The following SHC3 variants were observed in gnomAD, a reference collection of about 807,000 sequenced individuals.
SHC3 encodes SHC-transforming protein 3.
SHC3 carries 15 observed loss-of-function variants against 60.4 expected under a neutral mutation model. The observed-to-expected ratio is 0.25, with a 90% CI of 0.17 to 0.38. The LOEUF (loss-of-function observed/expected upper bound fraction) is 0.38. Among genes scored for constraint, SHC3 ranks in the 10% least tolerant of loss-of-function variants. SHC3 has a pLI of 1.00. For missense variants in SHC3, 677 were observed against 786.1 expected (o/e 0.86, Z 1.66); for synonymous variants, 294 against 325.9 (o/e 0.90, Z 1.05).
chr9:89,144,270 A>C (rs532308836), intron 1 of SHC3, among the ~76,000 whole-genome samples: 1 of 152,318 alleles, frequency 6.6e-6, no homozygotes, highest in East Asian at 1.9e-4. Flanking sequence ...ACAGTGTTAA[A>C]TTTTTCCAAC....
At chr9:89,141,358 G>C (rs1251436631) in intron 1 of SHC3, among the ~76,000 whole-genome samples, 1 of 152,180 alleles carries the variant, frequency 6.6e-6, no homozygotes, top group African/African-American at 2.4e-5. Flanking sequence ...AATACAGAAA[G>C]ACACACAAAT....
intron 6 of SHC3, among the ~76,000 whole-genome samples, chr9:89,054,638 A>G (rs1422001869): frequency 6.6e-6 from 1 of 152,250 alleles, no homozygotes; most frequent in East Asian, 1.9e-4. Flanking sequence ...AGGAAACAAC[A>G]AAACCAAAGA....
At position 89,125,016 on chromosome 9, in the gene SHC3, C is replaced by T. The variant is rs141136547; in HGVS notation, c.475-12390G>A. Among the ~76,000 whole-genome samples the T allele has an allele frequency of 2.0e-3, 301 of 152,190 alleles. 2 individuals are homozygous for T. The highest frequency in any genetic ancestry group is 3.7e-3 in the Non-Finnish European group (250 of 68,000). ...ATTTACTAGTCATGCCCGAGAAAGT[C>T]ATCATGTGGGGCAGCAAAAGAAATA... On this transcript the variant is annotated intron_variant, in intron 1 of 11. Coordinates refer to ENST00000375835, the MANE Select transcript of SHC3 (RefSeq NM_016848.6).
chr9:89,059,506 CGTGGTGGAGGAT>C (rs1564108867), intron 6 of SHC3, among the ~76,000 whole-genome samples: 1 of 117,326 alleles, frequency 8.5e-6, no homozygotes, highest in East Asian at 2.9e-4. Flanking sequence ...AGTGTTAGGA[CGTGGTGGAGGAT>C]GTGGTGGAGG....
intron 1 of SHC3, among the ~76,000 whole-genome samples, chr9:89,146,445 A>G (rs2118203904): frequency 6.6e-6 from 1 of 152,324 alleles, no homozygotes; most frequent in South Asian, 2.1e-4. Context: ...TCAAGCAAGA[A>G]TTAACATAAA....
chr9:89,144,252 T>C (rs1268307840), intron 1 of SHC3, among the ~76,000 whole-genome samples: 1 of 152,240 alleles, frequency 6.6e-6, no homozygotes, highest in Non-Finnish European at 1.5e-5. Context: ...TTACTCTATG[T>C]ATGTCTTACA....
chr9:89,115,888 T>C (rs1355953901), intron 1 of SHC3, among the ~76,000 whole-genome samples: 1 of 152,140 alleles, frequency 6.6e-6, no homozygotes, highest in Non-Finnish European at 1.5e-5. Context: ...ACCACAACCA[T>C]TATCACAGAA....
At chr9:89,101,338 T>A (rs966143295) in intron 2 of SHC3, among the ~76,000 whole-genome samples, 11 of 152,162 alleles carry the variant, frequency 7.2e-5, no homozygotes, top group African/African-American at 2.4e-4. Flanking sequence ...TAGATGTCCA[T>A]GTTATATGAA....
intron 2 of SHC3, among the ~76,000 whole-genome samples, chr9:89,102,739 T>C (rs1564144849): frequency 1.3e-5 from 2 of 152,174 alleles, no homozygotes; most frequent in African/African-American, 4.8e-5. Flanking sequence ...ATACCATTGG[T>C]GAGAAAAAAA....
Position 89,009,912 on chromosome 9 carries a change from G to A in SHC3, c.*3535C>T, listed in dbSNP as rs564436599. On this transcript the variant is annotated 3_prime_UTR_variant, in exon 12 of 12. Coordinates refer to ENST00000375835, the MANE Select transcript of SHC3 (RefSeq NM_016848.6). ...TTTTGGGAGCTGGGGGCCACCTTCA[G>A]AATCCCAGCACCAGACATGGAGGTT... 3 of 152,374 alleles carry A rather than the reference G, an allele frequency of 2.0e-5. No homozygotes were observed. Among genetic ancestry groups the A allele is most frequent in the Non-Finnish European group, 4.4e-5 (3 of 68,048 alleles). 9.4% of individuals were successfully genotyped at this position (152,374 alleles called of 1,614,324 possible).
At chr9:89,171,241 T>G (rs1483700558) in intron 1 of SHC3, among the ~76,000 whole-genome samples, 1 of 152,046 alleles carries the variant, frequency 6.6e-6, no homozygotes, top group East Asian at 1.9e-4. Context: ...TTGATTTTTT[T>G]TTTTTGAAAA....
intron 2 of SHC3, chr9:89,109,603 G>A (rs75367962): frequency 4.5e-5 from 44 of 985,478 alleles, no homozygotes; most frequent in African/African-American, 2.4e-4. Context: ...ACGCAGTTGC[G>A]AAGCTGTGCT....
intron 7 of SHC3, among the ~76,000 whole-genome samples, chr9:89,048,252 A>AC (rs1215417101): frequency 1.3e-5 from 2 of 151,686 alleles, no homozygotes; most frequent in Non-Finnish European, 2.9e-5. Flanking sequence ...AAAAAAAAAA[A>AC]AAAAAGGTAG....
chr9:89,152,496 TGTCC>T (rs1440635839), intron 1 of SHC3, among the ~76,000 whole-genome samples: 7 of 152,240 alleles, frequency 4.6e-5, no homozygotes, highest in African/African-American at 1.7e-4. Flanking sequence ...TCAATATCTA[TGTCC>T]AACTGTCTTA....
chr9:89,084,524 T>C (rs1007639181), intron 2 of SHC3, among the ~76,000 whole-genome samples: 9 of 152,228 alleles, frequency 5.9e-5, no homozygotes, highest in African/African-American at 1.9e-4. Context: ...TTTCCTTTCA[T>C]GGTTTAAGTA....
At chr9:89,033,496 G>C (rs1031403772) in intron 11 of SHC3, among the ~76,000 whole-genome samples, 1 of 152,132 alleles carries the variant, frequency 6.6e-6, no homozygotes, top group Non-Finnish European at 1.5e-5. Context: ...TTTCGTTTCT[G>C]ATTCTACATC....
At chr9:89,017,061 G>A (rs555879684) in intron 11 of SHC3, among the ~76,000 whole-genome samples, 1 of 152,226 alleles carries the variant, frequency 6.6e-6, no homozygotes, top group Non-Finnish European at 1.5e-5. Context: ...TCGTGAAAAT[G>A]GCCATCCTGT....
chr9:89,082,646 A>G (rs1483314813), intron 2 of SHC3, among the ~76,000 whole-genome samples: 1 of 152,136 alleles, frequency 6.6e-6, no homozygotes, highest in Non-Finnish European at 1.5e-5. Flanking sequence ...GGTTGGGCAA[A>G]GTGCAGCAAA....
At chr9:89,087,333 C>G (rs976469311) in intron 2 of SHC3, among the ~76,000 whole-genome samples, 1 of 152,184 alleles carries the variant, frequency 6.6e-6, no homozygotes, top group African/African-American at 2.4e-5. Context: ...AACACTGGCC[C>G]CTACATTAGG....
Sources: allele counts gnomAD v4.1 joint callset (sites outside exome capture counted in the v4.1 genomes callset), GRCh38; gene constraint gnomAD v4.1.1; transcripts MANE v1.5; gene names NCBI Gene and HGNC (gene_info 2026-07-23, HGNC 2026-07-21).